LRRTM4: variants seen among roughly 807,000 people sequenced by gnomAD.
LRRTM4 encodes the protein leucine rich repeat transmembrane neuronal 4, also known as leucine-rich repeat transmembrane neuronal protein 4.
LRRTM4 carries 25 observed loss-of-function variants against 47.6 expected under a neutral mutation model. The observed-to-expected ratio is 0.53, with a 90% CI of 0.38 to 0.73. The LOEUF is 0.73. Among genes scored for constraint, LRRTM4 ranks in the 30% least tolerant of loss-of-function variants. LRRTM4 has a pLI of 0.00. For synonymous variants in LRRTM4, 311 were observed against 269.5 expected, an observed-to-expected ratio of 1.15 and a Z score of -1.51; for missense variants, 638 against 713.4, an observed-to-expected ratio of 0.89 and a Z score of 1.20.
At chr2:77,000,965 C>G (rs1677402799) in intron 3 of LRRTM4, among the ~76,000 whole-genome samples, 1 of 152,076 alleles carries the variant, frequency 6.6e-6, no homozygotes. Context: ...TACCTTATAC[C>G]TCAGGGGAGA....
intron 3 of LRRTM4, among the ~76,000 whole-genome samples, chr2:77,147,494 C>T (rs1011871780): frequency 6.6e-6 from 1 of 152,184 alleles, no homozygotes; most frequent in Non-Finnish European, 1.5e-5. Flanking sequence ...ATTATGCCAT[C>T]ACGTTTCTGT....
At chr2:77,373,771 T>G (rs559759964) in intron 3 of LRRTM4, among the ~76,000 whole-genome samples, 1 of 151,898 alleles carries the variant, frequency 6.6e-6, no homozygotes, top group African/African-American at 2.4e-5. Flanking sequence ...AAGGTGAGAA[T>G]GTGACAGTAG....
At chr2:76,948,430 T>G (rs146650185) in intron 3 of LRRTM4, among the ~76,000 whole-genome samples, 171 of 151,976 alleles carry the variant, frequency 1.1e-3, no homozygotes, top group African/African-American at 3.6e-3. Flanking sequence ...GCAAAGAAAA[T>G]GTAATAGTCT....
At chr2:77,095,288 CTG>C (rs1487847321) in intron 3 of LRRTM4, among the ~76,000 whole-genome samples, 4 of 152,208 alleles carry the variant, frequency 2.6e-5, no homozygotes, top group South Asian at 2.1e-4. Flanking sequence ...GGAGGAACCT[CTG>C]TATCTTCTCG....
intron 3 of LRRTM4, among the ~76,000 whole-genome samples, chr2:77,068,578 C>A (rs1203678433): frequency 6.6e-6 from 1 of 152,170 alleles, no homozygotes; most frequent in Non-Finnish European, 1.5e-5. Flanking sequence ...TTCTGTCTGG[C>A]TTCCTTTAAT....
intron 3 of LRRTM4, among the ~76,000 whole-genome samples, chr2:76,802,604 C>T (rs1430627211): frequency 1.3e-5 from 2 of 151,988 alleles, no homozygotes; most frequent in Admixed American, 6.6e-5. Context: ...TAATAGGAAA[C>T]AGAATTGTAC....
chr2:76,924,998 G>A (rs562659440), intron 3 of LRRTM4, among the ~76,000 whole-genome samples: 33 of 152,228 alleles, frequency 2.2e-4, no homozygotes, highest in Non-Finnish European at 3.8e-4. Context: ...TCTTGGGTGA[G>A]AGAGACTTGT....
intron 3 of LRRTM4, chr2:76,773,048 C>T (rs939514442): frequency 2.0e-5 from 3 of 152,084 alleles, no homozygotes; most frequent in African/African-American, 7.2e-5. Flanking sequence ...TGCATGTATC[C>T]CCCAAGGATA....
At chr2:77,023,912 G>A (rs1347985101) in intron 3 of LRRTM4, among the ~76,000 whole-genome samples, 1 of 151,994 alleles carries the variant, frequency 6.6e-6, no homozygotes, top group East Asian at 1.9e-4. Context: ...TACTGTATTA[G>A]TCTGTTCTCA....
chr2:77,319,216 T>C (rs1677716470), intron 3 of LRRTM4, among the ~76,000 whole-genome samples: 1 of 152,008 alleles, frequency 6.6e-6, no homozygotes, highest in Admixed American at 6.6e-5. Context: ...TGAAACCTTG[T>C]CTCTACTAAA....
intron 3 of LRRTM4, among the ~76,000 whole-genome samples, chr2:77,006,933 C>T (rs1677674333): frequency 6.6e-6 from 1 of 152,078 alleles, no homozygotes. Context: ...ATCACATTGA[C>T]ACAAACATCC....
At chr2:77,186,263 T>G (rs1188847650) in intron 3 of LRRTM4, among the ~76,000 whole-genome samples, 1 of 152,172 alleles carries the variant, frequency 6.6e-6, no homozygotes, top group East Asian at 1.9e-4. Flanking sequence ...GGTCTAGTGC[T>G]GTAAGATGTG....
chr2:77,001,855 TC>T (rs1323920927), intron 3 of LRRTM4, among the ~76,000 whole-genome samples: 1 of 152,136 alleles, frequency 6.6e-6, no homozygotes, highest in Non-Finnish European at 1.5e-5. Flanking sequence ...ATCTGCACAA[TC>T]CCTTTCTTTT....
At chr2:76,970,274 C>T (rs1676172813) in intron 3 of LRRTM4, among the ~76,000 whole-genome samples, 1 of 151,936 alleles carries the variant, frequency 6.6e-6, no homozygotes, top group Admixed American at 6.6e-5. Context: ...CGAAGTACAT[C>T]ATGCTGCCTA....
chr2:76,825,450 A>G (rs1013387489), intron 3 of LRRTM4, among the ~76,000 whole-genome samples: 2 of 151,724 alleles, frequency 1.3e-5, no homozygotes, highest in Admixed American at 1.3e-4. Flanking sequence ...AGTATTACAA[A>G]TGATTTCTAA....
chr2:76,836,734 G>C (rs1293449818), intron 3 of LRRTM4, among the ~76,000 whole-genome samples: 1 of 151,996 alleles, frequency 6.6e-6, no homozygotes, highest in African/African-American at 2.4e-5. Flanking sequence ...GCACAGCTGG[G>C]ATTTCTATTC....
chr2:76,749,459 G>A (rs112211621), intron 3 of LRRTM4, among the ~76,000 whole-genome samples: 3 of 152,036 alleles, frequency 2.0e-5, no homozygotes, highest in African/African-American at 4.8e-5. Context: ...CTATCATCAT[G>A]TGTAACTTTT....
At chr2:77,088,537 T>C (rs1680805297) in intron 3 of LRRTM4, among the ~76,000 whole-genome samples, 1 of 151,534 alleles carries the variant, frequency 6.6e-6, no homozygotes, top group Admixed American at 6.6e-5. Flanking sequence ...CCTACCCAAA[T>C]CCTATAAAAC....
chr2:76,908,177 G>A (rs1391557325), intron 3 of LRRTM4, among the ~76,000 whole-genome samples: 11 of 149,456 alleles, frequency 7.4e-5, no homozygotes, highest in Admixed American at 5.3e-4. Context: ...TGGGATGCAA[G>A]GCTGGTTCAA....
Sources: gnomAD v4.1 joint callset for allele counts (sites outside exome capture counted in the v4.1 genomes callset) on GRCh38, gnomAD v4.1.1 for gene constraint, MANE v1.5 for transcripts, NCBI Gene and HGNC (gene_info 2026-07-23, HGNC 2026-07-21) for gene names.